Variants in WTIP observed in about 807,000 individuals in gnomAD.
WTIP encodes Wilms tumor protein 1-interacting protein.
WTIP carries 23 observed loss-of-function variants against 41.7 expected under a neutral mutation model. The observed-to-expected ratio is 0.55, with a 90% CI of 0.40 to 0.78. WTIP has a LOEUF of 0.78. WTIP is among the 30% of genes least tolerant of loss of function. WTIP has a pLI of 0.00. For synonymous variants in WTIP, 314 were observed against 269.9 expected, an observed-to-expected ratio of 1.16 and a Z score of -1.60; for missense variants, 619 against 610.5, an observed-to-expected ratio of 1.01 and a Z score of -0.15.
In WTIP at chr19:34,509,745, T is replaced by A. The variant is rs1381068674; in HGVS notation, c.*9476T>A. 6.6e-6 allele frequency: 1 copy of A among 152,158 alleles called. No homozygotes were observed. The highest frequency in any genetic ancestry group is 1.5e-5 in the Non-Finnish European group (1 of 68,028). 9.4% of individuals were successfully genotyped at this position (152,158 alleles called of 1,614,324 possible). ...TAAAATCAAAAGCAAGTTAGTTACT[T>A]CCTAGATACAATGGGGGTACAGGTA... On this transcript the variant is annotated 3_prime_UTR_variant, in exon 8 of 8. Coordinates refer to ENST00000590071, the MANE Select transcript of WTIP (RefSeq NM_001080436.2).
At chr19:34,489,300 A>C (rs893014410) in intron 1 of WTIP, among the ~76,000 whole-genome samples, 81 of 151,542 alleles carry the variant, frequency 5.3e-4, no homozygotes, top group African/African-American at 1.8e-3. Context: ...CACTCGATGC[A>C]AGCTTCTTGA....
intron 7 of WTIP, among the ~76,000 whole-genome samples, chr19:34,499,855 A>G (rs2145611077): frequency 6.6e-6 from 1 of 152,022 alleles, no homozygotes; most frequent in East Asian, 1.9e-4. Context: ...ATGTGCCACT[A>G]TGCCCGGCTA....
chr19:34,490,228 T>G, intron 1 of WTIP, 148 bp from the exon 2 acceptor site: 14 of 654,918 alleles, frequency 2.1e-5, no homozygotes, highest in Non-Finnish European at 2.9e-5. Flanking sequence ...ATGGTGCCCA[T>G]GTTGGTCATC....
intron 7 of WTIP, among the ~76,000 whole-genome samples, chr19:34,499,858 C>G (rs1252694783): frequency 6.6e-6 from 1 of 152,128 alleles, no homozygotes. Context: ...TGCCACTATG[C>G]CCGGCTAATT....
chr19:34,485,839 C>G (rs551284474), intron 1 of WTIP, among the ~76,000 whole-genome samples: 16 of 152,282 alleles, frequency 1.1e-4, no homozygotes, highest in Admixed American at 4.6e-4. Context: ...AGGCGATCCT[C>G]CCTCTTTGGC....
chr19:34,491,250 T>C (rs1437382966), intron 2 of WTIP, among the ~76,000 whole-genome samples: 1 of 152,198 alleles, frequency 6.6e-6, no homozygotes, highest in African/African-American at 2.4e-5. Context: ...AAATATCCAC[T>C]CTTGGTTTGC....
At position 34,504,338 on chromosome 19, in the gene WTIP, C is replaced by T. The variant is rs932865479; in HGVS notation, c.*4069C>T. 5.3e-5 allele frequency: 8 copies of T among 152,126 alleles called. No homozygotes were observed. The highest frequency in any genetic ancestry group is 1.7e-4 in the African/African-American group (7 of 41,340). The allele number at this position is 152,126 out of a possible 1,614,324, so 9.4% of individuals were successfully genotyped here. ...TCTCAGTGACCCCACTGAGGCCTGA[C>T]CCACCAGTGGAAAAGGCTCACCTCC... On this transcript the variant is annotated 3_prime_UTR_variant, in exon 8 of 8. Coordinates refer to ENST00000590071, the MANE Select transcript of WTIP (RefSeq NM_001080436.2).
Position 34,503,971 on chromosome 19 carries a change from C to T in WTIP, c.*3702C>T, listed in dbSNP as rs533943327. 7.9e-5 allele frequency: 12 copies of T among 152,566 alleles called. No homozygotes were observed. The highest frequency in any genetic ancestry group is 2.6e-4 in the African/African-American group (11 of 41,534). The allele number at this position is 152,566 out of a possible 1,614,324, so 9.5% of individuals were successfully genotyped here. On this transcript the variant is annotated 3_prime_UTR_variant, in exon 8 of 8. Coordinates refer to ENST00000590071, the MANE Select transcript of WTIP (RefSeq NM_001080436.2). ...GGGGCTCAGCTCAGAGACATAGACCCTGGAGGGCTGAGTCTGCCTGTGTGC... is the reference window on the plus strand; with the variant it reads ...GGGGCTCAGCTCAGAGACATAGACCTTGGAGGGCTGAGTCTGCCTGTGTGC...
At chr19:34,498,891 CA>C (rs1018440538) in intron 7 of WTIP, among the ~76,000 whole-genome samples, 1 of 145,972 alleles carries the variant, frequency 6.9e-6, no homozygotes, top group African/African-American at 2.5e-5. Flanking sequence ...GACTCTGTCT[CA>C]AAAAAAACAA....
Position 34,508,086 on chromosome 19 carries a change from T to C in WTIP, c.*7817T>C, listed in dbSNP as rs2075919947. The stretch of plus-strand genomic sequence containing the variant: ...TAGTGTGAGGTGGGACTTTTTTTTT[T>C]GTTTTGAGATGGAGTCTTGCTCTGT... On this transcript the variant is annotated 3_prime_UTR_variant, in exon 8 of 8. Transcript: ENST00000590071. 1 of 151,790 alleles carries C rather than the reference T, an allele frequency of 6.6e-6. No homozygotes were observed. Among genetic ancestry groups the C allele is most frequent in the Non-Finnish European group, 1.5e-5 (1 of 67,972 alleles). The allele number at this position is 151,790 out of a possible 1,614,324, so 9.4% of individuals were successfully genotyped here.
intron 2 of WTIP, among the ~76,000 whole-genome samples, chr19:34,491,885 C>T (rs1477381443): frequency 1.3e-5 from 2 of 152,048 alleles, no homozygotes; most frequent in African/African-American, 4.8e-5. Flanking sequence ...ACCTCGTGAT[C>T]CATCTGCCTT....
At chr19:34,490,692 T>C (rs2075821191) in intron 2 of WTIP, among the ~76,000 whole-genome samples, 1 of 152,226 alleles carries the variant, frequency 6.6e-6, no homozygotes. Flanking sequence ...TCGTCAGCTG[T>C]GGATCCTCTG....
In WTIP at chr19:34,482,448, C is replaced by G; in HGVS notation, c.474C>G (p.Asp158Glu). The change falls in exon 1 of 8, where the codon GAC becomes GAG. Residue 158 changes from aspartate to glutamate, a missense_variant. By Grantham distance (45) the Asp-to-Glu change is conservative (BLOSUM62 2). This residue lies in a region of WTIP where 363 missense variants were observed against 309.0 expected (regional missense o/e 1.17). Transcript: ENST00000590071. ...GGGGCTCGGCCGGCGCCTACGCTGA[C>G]TTCCTCCCGCCCGGCGCCTGCCCCG... is the stretch of plus-strand genomic sequence containing the variant. ...GSRGSAGAYADFLPPGACPAP... is the reference protein window; with the variant it reads ...GSRGSAGAYAEFLPPGACPAP... The G allele has an allele frequency of 7.7e-7, 1 of 1,305,006 alleles. No individual in the cohort carries two copies. Among genetic ancestry groups the G allele is most frequent in the Non-Finnish European group, 9.7e-7 (1 of 1,027,412 alleles). The allele number at this position is 1,305,006 out of a possible 1,614,324, so 80.8% of individuals were successfully genotyped here. A position where few individuals can be genotyped will look rare whatever the true frequency, so the allele number is the denominator to read the frequency against.
At chr19:34,495,533 G>C (rs2033790968) in intron 6 of WTIP, among the ~76,000 whole-genome samples, 170 bp from the exon 7 acceptor site, 4 of 152,264 alleles carry the variant, frequency 2.6e-5, no homozygotes. Flanking sequence ...GTCTGTGTGT[G>C]TGCACCTGCT....
Position 34,490,395 on chromosome 19 carries a change from G to C in WTIP, c.687G>C (p.Gly229=). The C allele has an allele frequency of 6.2e-7, 1 of 1,614,046 alleles. No individual in the cohort carries two copies. Among genetic ancestry groups the C allele is most frequent in the Non-Finnish European group, 8.5e-7 (1 of 1,179,898 alleles). ...TCCTAGGCATTTGCATCAAGTGTGG[G>C]CTTGGCATCTACGGAGCCCAGCAGG... ...RDYFGICIKC[G]LGIYGAQQAC... The change falls in exon 2 of 8, where the codon GGG becomes GGC. Residue 229 remains glycine (G), a synonymous_variant. Transcript: ENST00000590071.
rs921247103 is a variant in WTIP, at chr19:34,509,346, C to A, written c.*9077C>A. The A allele has an allele frequency of 2.0e-5, 3 of 152,178 alleles. No individual in the cohort carries two copies. The allele number at this position is 152,178 out of a possible 1,614,324, so 9.4% of individuals were successfully genotyped here. ...CCACCAAAAGGCACTTTCATGGTGG[C>A]GGCAAGAGAAAAATGACAGAGATGC... On this transcript the variant is annotated 3_prime_UTR_variant, in exon 8 of 8. Coordinates refer to ENST00000590071, the MANE Select transcript of WTIP (RefSeq NM_001080436.2).
In WTIP at chr19:34,508,061, T is replaced by TA. The variant is rs1188524660; in HGVS notation, c.*7793dup. On this transcript the variant is annotated 3_prime_UTR_variant, in exon 8 of 8. Transcript: ENST00000590071. ...CTAAGGATCCCTCCTCATTCTCTGT[T>TA]AGTGTGAGGTGGGACTTTTTTTTTT... The TA allele has an allele frequency of 6.6e-6, 1 of 152,142 alleles. No individual in the cohort carries two copies. Among genetic ancestry groups the TA allele is most frequent in the Non-Finnish European group, 1.5e-5 (1 of 68,074 alleles). The allele number at this position is 152,142 out of a possible 1,614,324, so 9.4% of individuals were successfully genotyped here.
At chr19:34,492,271 C>T (rs1299244014) in intron 2 of WTIP, among the ~76,000 whole-genome samples, 7 of 150,352 alleles carry the variant, frequency 4.7e-5, no homozygotes, top group African/African-American at 9.7e-5. Context: ...CGTACCACCA[C>T]GACTGGCTAA....
intron 1 of WTIP, among the ~76,000 whole-genome samples, chr19:34,484,702 G>A (rs558460208): frequency 1.4e-4 from 22 of 152,216 alleles, no homozygotes; most frequent in South Asian, 1.0e-3. Context: ...TATAGGGGTG[G>A]CTGAGGTCCC....
Sources: allele counts gnomAD v4.1 joint callset (sites outside exome capture counted in the v4.1 genomes callset), GRCh38; gene constraint gnomAD v4.1.1; regional missense constraint gnomAD v4.1.1; transcripts MANE v1.5; gene names NCBI Gene and HGNC (gene_info 2026-07-23, HGNC 2026-07-21).